Variants in SHROOM3 observed in about 807,000 individuals in gnomAD.
SHROOM3 encodes the protein shroom family member 3, also known as protein Shroom3.
SHROOM3 carries 47 observed loss-of-function variants against 138.6 expected under a neutral mutation model. The observed-to-expected ratio is 0.34, with a 90% confidence interval of 0.27 to 0.43. The LOEUF (loss-of-function observed/expected upper bound fraction) is 0.43, where lower values mean the gene tolerates loss of function less well. Among genes scored for constraint, SHROOM3 ranks in the 20% least tolerant of loss-of-function variants. The probability of loss-of-function intolerance (pLI) is 1.00; values close to 1 mark genes in which losing one functional copy is unlikely to be tolerated. For missense variants in SHROOM3, 2,491 were observed against 2,596.5 expected, an observed-to-expected ratio of 0.96 and a Z score of 0.88; for synonymous variants, 1,062 against 1,063.3, an observed-to-expected ratio of 1.00 and a Z score of 0.02.
chr4:76,757,704 C>G (rs1035507194), intron 8 of SHROOM3, among the ~76,000 whole-genome samples: 3 of 152,212 alleles, frequency 2.0e-5, no homozygotes, highest in Non-Finnish European at 4.4e-5. Flanking sequence ...GCTTCTGAAG[C>G]TCCTTGAGCC....
intron 3 of SHROOM3, among the ~76,000 whole-genome samples, chr4:76,728,827 G>T (rs1478615539): frequency 6.6e-6 from 1 of 152,076 alleles, no homozygotes. Context: ...TGTGACCATG[G>T]TAAGTCTCAG....
At chr4:76,571,135 A>C (rs1239714585) in intron 2 of SHROOM3, among the ~76,000 whole-genome samples, 1 of 152,128 alleles carries the variant, frequency 6.6e-6, no homozygotes. Flanking sequence ...TCATTCTTTG[A>C]TTTATTTCTC....
chr4:76,488,724 A>C lies in SHROOM3; in HGVS notation c.168+52504A>C, dbSNP rs564150579. On this transcript the variant is annotated intron_variant, in intron 1 of 10. Transcript: ENST00000296043. ...CATAAAGACTGTTGACAGGTGGCCA[A>C]GCCCAGGAAAAAAGTATTAGTAATA... Among the ~76,000 whole-genome samples, 3 of 152,364 alleles carry C rather than the reference A, an allele frequency of 2.0e-5. No homozygotes were observed. In the East Asian group the frequency reaches 5.8e-4, roughly 29 times the overall value.
intron 2 of SHROOM3, among the ~76,000 whole-genome samples, chr4:76,635,595 T>C (rs1352864445): frequency 6.6e-6 from 1 of 152,190 alleles, no homozygotes; most frequent in Non-Finnish European, 1.5e-5. Flanking sequence ...CTGTCCTGCC[T>C]AAATCAGGTC....
chr4:76,514,994 C>T (rs1429126409), intron 1 of SHROOM3, among the ~76,000 whole-genome samples: 3 of 152,016 alleles, frequency 2.0e-5, no homozygotes, highest in African/African-American at 7.2e-5. Context: ...GTGGGTGGAT[C>T]GCTTGAGGTC....
intron 3 of SHROOM3, among the ~76,000 whole-genome samples, chr4:76,726,731 C>G (rs1720716687): frequency 6.6e-6 from 1 of 151,898 alleles, no homozygotes; most frequent in Non-Finnish European, 1.5e-5. Flanking sequence ...ATTGAGCCCC[C>G]TGCCTCAGCC....
intron 2 of SHROOM3, among the ~76,000 whole-genome samples, chr4:76,619,550 G>A (rs1374995882): frequency 6.6e-6 from 1 of 152,158 alleles, no homozygotes. Context: ...TTTCATAGAA[G>A]TGTGAAAGCA....
chr4:76,544,372 C>T (rs542948744), intron 1 of SHROOM3, among the ~76,000 whole-genome samples: 2 of 148,474 alleles, frequency 1.3e-5, no homozygotes, highest in African/African-American at 4.9e-5. Context: ...TTTTGGGTCC[C>T]ACTTTCCTCA....
intron 3 of SHROOM3, among the ~76,000 whole-genome samples, chr4:76,719,046 C>T (rs1447410884): frequency 2.6e-5 from 4 of 152,156 alleles, no homozygotes; most frequent in African/African-American, 9.7e-5. Context: ...CCTTTTACTA[C>T]ACCCTGCTGA....
chr4:76,448,240 A>G (rs1730853541), intron 1 of SHROOM3, among the ~76,000 whole-genome samples: 1 of 152,176 alleles, frequency 6.6e-6, no homozygotes, highest in East Asian at 1.9e-4. Context: ...TTCATTAGTT[A>G]TCATATTTAG....
chr4:76,745,236 A>G (rs554532772), intron 5 of SHROOM3, among the ~76,000 whole-genome samples: 1 of 152,236 alleles, frequency 6.6e-6, no homozygotes, highest in Non-Finnish European at 1.5e-5. Context: ...AAGCTATAGA[A>G]AGATAGCCAA....
intron 1 of SHROOM3, among the ~76,000 whole-genome samples, chr4:76,465,472 C>T (rs1323472590): frequency 6.6e-6 from 1 of 152,180 alleles, no homozygotes; most frequent in Admixed American, 6.5e-5. Flanking sequence ...AATCTTTGCT[C>T]CAGGACTTCC....
At chr4:76,493,789 G>C (rs567901718) in intron 1 of SHROOM3, among the ~76,000 whole-genome samples, 2 of 152,164 alleles carry the variant, frequency 1.3e-5, no homozygotes, top group African/African-American at 4.8e-5. Context: ...GACCAGCCTG[G>C]CCAACATGGT....
intron 2 of SHROOM3, among the ~76,000 whole-genome samples, chr4:76,690,337 C>T (rs1719487935): frequency 6.6e-6 from 1 of 152,204 alleles, no homozygotes; most frequent in Non-Finnish European, 1.5e-5. Context: ...GGATGTATTT[C>T]TCTTCCTCTA....
At chr4:76,772,630 A>G (rs1265541743) in intron 10 of SHROOM3, among the ~76,000 whole-genome samples, 2 of 152,112 alleles carry the variant, frequency 1.3e-5, no homozygotes, top group Admixed American at 1.3e-4. Context: ...TTATCTAGAA[A>G]TAGTCTGATA....
At position 76,457,737 on chromosome 4, in the gene SHROOM3, G is replaced by A. The variant is rs60989381; in HGVS notation, c.168+21517G>A. Among the ~76,000 whole-genome samples the A allele has an allele frequency of 8.2e-3, 1,243 of 151,462 alleles. 17 individuals carry two copies. Among genetic ancestry groups the A allele is most frequent in the African/African-American group, 0.028 (1,144 of 41,302 alleles). On this transcript the variant is annotated intron_variant, in intron 1 of 10. Transcript: ENST00000296043. Reference sequence around the variant, plus strand: ...GATCTCCTGACCTCAGGATCTGCCCGCCTTGGCCTCCCAAAGTGCTAGGAT... The same window carrying A: ...GATCTCCTGACCTCAGGATCTGCCCACCTTGGCCTCCCAAAGTGCTAGGAT...
At chr4:76,768,609 C>T (rs1182326862) in intron 9 of SHROOM3, among the ~76,000 whole-genome samples, 1 of 152,054 alleles carries the variant, frequency 6.6e-6, no homozygotes, top group African/African-American at 2.4e-5. Flanking sequence ...CTCTCAGGTT[C>T]AAGCGATTCT....
At chr4:76,445,289 TC>T (rs947623113) in intron 1 of SHROOM3, among the ~76,000 whole-genome samples, 29 of 152,042 alleles carry the variant, frequency 1.9e-4, no homozygotes, top group Admixed American at 3.9e-4. Flanking sequence ...AACAGATTAT[TC>T]CCTGCCATCA....
At chr4:76,477,350 T>C (rs890855586) in intron 1 of SHROOM3, among the ~76,000 whole-genome samples, 1 of 151,988 alleles carries the variant, frequency 6.6e-6, no homozygotes, top group African/African-American at 2.4e-5. Context: ...GGTTAAACTT[T>C]GTATGCGGTA....
Sources: gnomAD v4.1 joint callset for allele counts (sites outside exome capture counted in the v4.1 genomes callset) on GRCh38, gnomAD v4.1.1 for gene constraint, MANE v1.5 for transcripts, NCBI Gene and HGNC (gene_info 2026-07-23, HGNC 2026-07-21) for gene names.